The following CNKSR3 variants were observed in gnomAD, a reference collection of about 807,000 sequenced individuals.
CNKSR3 encodes connector enhancer of kinase suppressor of ras 3.
In CNKSR3, 36 loss-of-function variants were observed where a neutral mutation model predicts 67.7. The observed-to-expected ratio is 0.53, with a 90% CI of 0.41 to 0.70. The LOEUF (loss-of-function observed/expected upper bound fraction) is 0.70. Among genes scored for constraint, CNKSR3 ranks in the 30% least tolerant of loss-of-function variants. The pLI, the probability that CNKSR3 is intolerant of heterozygous loss-of-function variation, is 0.00. For synonymous variants in CNKSR3, 281 were observed against 271.4 expected (o/e 1.04, Z -0.35); for missense variants, 630 against 695.2 (o/e 0.91, Z 1.05).
At chr6:154,437,149 A>G (rs1482113938) in intron 4 of CNKSR3, among the ~76,000 whole-genome samples, 4 of 152,098 alleles carry the variant, frequency 2.6e-5, no homozygotes, top group African/African-American at 4.8e-5. Context: ...CTGGAAAGAG[A>G]TACAACTTTT....
chr6:154,464,070 T>G (rs1786141050), intron 1 of CNKSR3, among the ~76,000 whole-genome samples: 1 of 152,222 alleles, frequency 6.6e-6, no homozygotes, highest in African/African-American at 2.4e-5. Context: ...TAATACATGA[T>G]AAGATCATAC....
At chr6:154,480,788 C>T (rs149620982) in intron 1 of CNKSR3, among the ~76,000 whole-genome samples, 158 of 152,326 alleles carry the variant, frequency 1.0e-3, no homozygotes, top group African/African-American at 3.6e-3. Context: ...GTTCACTGAG[C>T]ATGTGCCACC....
At chr6:154,489,092 T>C (rs759527367) in intron 1 of CNKSR3, among the ~76,000 whole-genome samples, 11 of 152,136 alleles carry the variant, frequency 7.2e-5, no homozygotes, top group Non-Finnish European at 1.3e-4. Flanking sequence ...ATTTCAAGTA[T>C]AACCTGTGTG....
intron 1 of CNKSR3, among the ~76,000 whole-genome samples, chr6:154,464,097 G>A (rs1013413132): frequency 2.6e-5 from 4 of 152,226 alleles, no homozygotes; most frequent in African/African-American, 9.6e-5. Context: ...AGAATTAAGA[G>A]AAGAACTGTA....
intron 9 of CNKSR3, among the ~76,000 whole-genome samples, chr6:154,419,596 C>A (rs965744263): frequency 6.6e-6 from 1 of 152,052 alleles, no homozygotes; most frequent in African/African-American, 2.4e-5. Context: ...ACGGAGGTTT[C>A]CTGAAAAATT....
At chr6:154,461,515 C>T (rs1786079312) in intron 1 of CNKSR3, among the ~76,000 whole-genome samples, 1 of 152,168 alleles carries the variant, frequency 6.6e-6, no homozygotes, top group African/African-American at 2.4e-5. Flanking sequence ...AGCCAGAAGG[C>T]CTGGATTCAG....
rs1316600219 is a variant in CNKSR3 at position 154,422,975 on chromosome 6, T to C, written c.738A>G (p.Ala246=). ...CAGCATGAATCTTCTGAGATCTGTC[T>C]GCAGGAGACTGTACAGAAACAAAAT... ...VITGTTENSP[A]DRSQKIHAGD... The change falls in exon 8 of 13, where the codon GCA becomes GCG. Residue 246 remains alanine, a synonymous_variant. Transcript: ENST00000607772. 3 of 1,608,034 alleles carry C rather than the reference T, an allele frequency of 1.9e-6. No individual in the cohort carries two copies. The highest frequency in any genetic ancestry group is 1.3e-5 in the African/African-American group (1 of 74,772).
chr6:154,427,024 G>A (rs956344371), intron 7 of CNKSR3, among the ~76,000 whole-genome samples: 1 of 152,172 alleles, frequency 6.6e-6, no homozygotes, highest in African/African-American at 2.4e-5. Flanking sequence ...TTCCTGTGCT[G>A]TTATTGTCTA....
At chr6:154,472,791 A>G (rs1043519137) in intron 1 of CNKSR3, among the ~76,000 whole-genome samples, 6 of 107,774 alleles carry the variant, frequency 5.6e-5, no homozygotes, top group African/African-American at 2.0e-4. Flanking sequence ...CTAAGAGTAC[A>G]TCTTTAAAAG....
chr6:154,474,365 A>G (rs1786396483), intron 1 of CNKSR3, among the ~76,000 whole-genome samples: 1 of 151,236 alleles, frequency 6.6e-6, no homozygotes, highest in Admixed American at 6.6e-5. Flanking sequence ...GTGAGCTGAG[A>G]TCGCACCACT....
chr6:154,428,318 C>T (rs1785296060), intron 6 of CNKSR3, 131 bp from the exon 7 acceptor site: 2 of 645,400 alleles, frequency 3.1e-6, no homozygotes, highest in African/African-American at 3.6e-5. Flanking sequence ...CCTCCTGAAA[C>T]ATCGAGAAAC....
intron 1 of CNKSR3, among the ~76,000 whole-genome samples, chr6:154,462,149 C>T (rs2128721042): frequency 6.6e-6 from 1 of 152,320 alleles, no homozygotes; most frequent in African/African-American, 2.4e-5. Flanking sequence ...AGAATATCCA[C>T]AGAGCTGTGC....
intron 11 of CNKSR3, 125 bp from the exon 12 acceptor site, chr6:154,410,557 T>C: frequency 1.6e-6 from 1 of 640,558 alleles, no homozygotes; most frequent in East Asian, 2.8e-5. Context: ...AATAACAAAT[T>C]TTAAAATAAA....
chr6:154,391,845 C>T lies in CNKSR3; in HGVS notation c.*14509G>A, dbSNP rs1784610083. On this transcript the variant is annotated 3_prime_UTR_variant, in exon 13 of 13. Transcript: ENST00000607772. ...TGCCCCGTCACAGGTAACCAACATC[C>T]TAAACTTGGTCTTTTCACATAAGTG... The T allele has an allele frequency of 6.6e-6, 1 of 152,238 alleles. No individual in the cohort carries two copies. The highest frequency in any genetic ancestry group is 1.5e-5 in the Non-Finnish European group (1 of 68,054). The allele number at this position is 152,238 out of a possible 1,614,324, so 9.4% of individuals were successfully genotyped here.
intron 6 of CNKSR3, 124 bp downstream of exon 6, chr6:154,430,348 G>A (rs1398704056): frequency 4.0e-6 from 3 of 756,326 alleles, no homozygotes; most frequent in African/African-American, 3.6e-5. Context: ...TTACATAATG[G>A]AAGGCAGTCT....
intron 7 of CNKSR3, among the ~76,000 whole-genome samples, chr6:154,425,408 G>C (rs923899767): frequency 1.3e-5 from 2 of 152,208 alleles, no homozygotes; most frequent in Non-Finnish European, 2.9e-5. Context: ...CAGAACACTG[G>C]TAAAGAGAGA....
In CNKSR3 at chr6:154,391,681, T is replaced by C. The variant is rs1236213344; in HGVS notation, c.*14673A>G. ...TGTCTTCTTTTGCTTCCCTTCTCTT[T>C]TTTCTCACCTCGCCTTGGGCTTGTA... On this transcript the variant is annotated 3_prime_UTR_variant, in exon 13 of 13. Transcript: ENST00000607772. 4 of 152,322 alleles carry C rather than the reference T, an allele frequency of 2.6e-5. No homozygotes were observed. In the East Asian group the frequency reaches 7.7e-4, roughly 29 times the overall value. 9.4% of individuals were successfully genotyped at this position (152,322 alleles called of 1,614,324 possible). A position where few individuals can be genotyped will look rare whatever the true frequency, so the allele number is the denominator to read the frequency against.
chr6:154,398,327 T>C lies in CNKSR3; in HGVS notation c.*8027A>G, dbSNP rs915247689. 6.6e-6 allele frequency: 1 copy of C among 152,256 alleles called. No homozygotes were observed. Among genetic ancestry groups the C allele is most frequent in the Non-Finnish European group, 1.5e-5 (1 of 68,052 alleles). 9.4% of individuals were successfully genotyped at this position (152,256 alleles called of 1,614,324 possible). A position where few individuals can be genotyped will look rare whatever the true frequency, so the allele number is the denominator to read the frequency against. ...TGTGTGCCCAAATGGATGAAATTTA[T>C]GCACAACCAATAAGCCCCACAAAAG... On this transcript the variant is annotated 3_prime_UTR_variant, in exon 13 of 13. Transcript: ENST00000607772.
At chr6:154,481,227 A>T (rs577700132) in intron 1 of CNKSR3, among the ~76,000 whole-genome samples, 1 of 149,722 alleles carries the variant, frequency 6.7e-6, no homozygotes, top group South Asian at 2.1e-4. Context: ...CGCATATTTG[A>T]TATTTATTTG....
Sources: allele counts gnomAD v4.1 joint callset (sites outside exome capture counted in the v4.1 genomes callset), GRCh38; gene constraint gnomAD v4.1.1; transcripts MANE v1.5; gene names NCBI Gene and HGNC (gene_info 2026-07-23, HGNC 2026-07-21).